The following XKR4 variants were observed in gnomAD, a reference collection of about 807,000 sequenced individuals.
XKR4 encodes XK related 4, also known as XK-related protein 4.
A neutral mutation model predicts 53.9 loss-of-function variants in XKR4; 12 were observed. The ratio of observed to expected loss-of-function variants is 0.22; its 90% CI spans 0.14 to 0.36. The LOEUF (loss-of-function observed/expected upper bound fraction) is 0.36. Among genes scored for constraint, XKR4 ranks in the 10% least tolerant of loss-of-function variants. The pLI, the probability that XKR4 is intolerant of heterozygous loss-of-function variation, is 1.00. For missense variants in XKR4, 799 were observed against 859.5 expected (o/e 0.93, Z 0.88); for synonymous variants, 354 against 362.4 (o/e 0.98, Z 0.26).
At chr8:55,129,218 A>G (rs2129352866) in intron 1 of XKR4, among the ~76,000 whole-genome samples, 1 of 152,340 alleles carries the variant, frequency 6.6e-6, no homozygotes, top group Middle Eastern at 3.4e-3. Context: ...TTCTGGTTAC[A>G]AGGCTGGTTA....
At chr8:55,278,349 A>C (rs2129373465) in intron 1 of XKR4, among the ~76,000 whole-genome samples, 1 of 152,132 alleles carries the variant, frequency 6.6e-6, no homozygotes, top group East Asian at 1.9e-4. Flanking sequence ...AAAAAAAAAA[A>C]AAAAGCATAC....
chr8:55,137,285 G>C (rs1816644566), intron 1 of XKR4, among the ~76,000 whole-genome samples: 1 of 151,880 alleles, frequency 6.6e-6, no homozygotes. Context: ...GAAATTCCTT[G>C]GAGGCCTTTC....
chr8:55,196,965 C>G (rs906767686), intron 1 of XKR4, among the ~76,000 whole-genome samples: 1 of 152,044 alleles, frequency 6.6e-6, no homozygotes, highest in African/African-American at 2.4e-5. Context: ...TCACCTATAG[C>G]CATTTCTGGT....
chr8:55,256,364 T>A (rs760381107), intron 1 of XKR4, among the ~76,000 whole-genome samples: 4 of 152,216 alleles, frequency 2.6e-5, no homozygotes, highest in Non-Finnish European at 4.4e-5. Flanking sequence ...TTGGTGGCTG[T>A]ATGGAGAATG....
chr8:55,326,709 G>A (rs144233943), intron 1 of XKR4, among the ~76,000 whole-genome samples: 69 of 151,878 alleles, frequency 4.5e-4, no homozygotes, highest in African/African-American at 1.5e-3. Flanking sequence ...TGGCTCAAGC[G>A]ATCTGCTCAC....
At chr8:55,312,057 T>C (rs1397698412) in intron 1 of XKR4, among the ~76,000 whole-genome samples, 2 of 152,098 alleles carry the variant, frequency 1.3e-5, no homozygotes, top group Non-Finnish European at 2.9e-5. Context: ...TGAGGATAAT[T>C]ATTCTAAAAA....
At chr8:55,259,804 G>A (rs779941253) in intron 1 of XKR4, among the ~76,000 whole-genome samples, 4 of 152,112 alleles carry the variant, frequency 2.6e-5, no homozygotes, top group Non-Finnish European at 5.9e-5. Context: ...TTAGAAATGG[G>A]AAATTCTAAT....
intron 1 of XKR4, among the ~76,000 whole-genome samples, chr8:55,140,587 G>T (rs1269489213): frequency 6.6e-6 from 1 of 152,180 alleles, no homozygotes; most frequent in South Asian, 2.1e-4. Context: ...ATTGCTCTGG[G>T]GTTTTCAACT....
intron 1 of XKR4, among the ~76,000 whole-genome samples, chr8:55,117,364 T>C (rs1175532428): frequency 6.6e-6 from 1 of 152,178 alleles, no homozygotes; most frequent in East Asian, 1.9e-4. Context: ...TAGCTGCTGG[T>C]AAAAATGGAC....
intron 1 of XKR4, among the ~76,000 whole-genome samples, chr8:55,113,307 T>A (rs1816259590): frequency 1.3e-5 from 2 of 152,186 alleles, no homozygotes; most frequent in South Asian, 4.1e-4. Context: ...AAGGCATGCA[T>A]CTGTTAGCTA....
intron 1 of XKR4, among the ~76,000 whole-genome samples, chr8:55,175,950 A>G (rs573121049): frequency 6.6e-6 from 1 of 152,220 alleles, no homozygotes; most frequent in Non-Finnish European, 1.5e-5. Flanking sequence ...AAGTCATATA[A>G]TGGTCAGTTT....
chr8:55,259,649 T>C (rs1429966258), intron 1 of XKR4, among the ~76,000 whole-genome samples: 1 of 152,134 alleles, frequency 6.6e-6, no homozygotes, highest in Non-Finnish European at 1.5e-5. Flanking sequence ...AAGTGATTCA[T>C]CTCTCCCGAG....
At chr8:55,392,262 G>C (rs563810570) in intron 2 of XKR4, among the ~76,000 whole-genome samples, 37 of 152,268 alleles carry the variant, frequency 2.4e-4, no homozygotes. Context: ...GCTCCTTGGA[G>C]GAATGGTGGG....
intron 1 of XKR4, among the ~76,000 whole-genome samples, chr8:55,289,598 A>G (rs867826466): frequency 1.9e-4 from 16 of 84,262 alleles, no homozygotes; most frequent in African/African-American, 7.1e-4. Flanking sequence ...AAAGAGAAAG[A>G]AAGAAAGAAA....
At chr8:55,320,973 A>G (rs1320914916) in intron 1 of XKR4, among the ~76,000 whole-genome samples, 1 of 151,914 alleles carries the variant, frequency 6.6e-6, no homozygotes, top group Non-Finnish European at 1.5e-5. Context: ...TCCCCCAAAC[A>G]TCCTTCTTTG....
intron 2 of XKR4, among the ~76,000 whole-genome samples, chr8:55,518,030 A>G (rs905762104): frequency 1.3e-5 from 2 of 152,208 alleles, no homozygotes; most frequent in African/African-American, 4.8e-5. Context: ...GGGGAAGGTT[A>G]TGGCCTCCTT....
At chr8:55,363,330 T>G (rs1208007890) in intron 2 of XKR4, among the ~76,000 whole-genome samples, 1 of 152,134 alleles carries the variant, frequency 6.6e-6, no homozygotes, top group Non-Finnish European at 1.5e-5. Flanking sequence ...AAAAACTCCT[T>G]TTGCCAACAG....
At chr8:55,273,014 G>C (rs1474641347) in intron 1 of XKR4, 1 of 394,250 alleles carries the variant, frequency 2.5e-6, no homozygotes, top group African/African-American at 2.1e-5. Flanking sequence ...CTGTCTCTAA[G>C]GGTGTGATGT....
chr8:55,521,641 T>C lies in XKR4; in HGVS notation c.1007-1640T>C, dbSNP rs912651770. Reference sequence around the variant, plus strand: ...CTGCTGGCTTTATTGGGAGGAAATATGAGAAATGGCTCTTAGAAAATATTT... The same window carrying C: ...CTGCTGGCTTTATTGGGAGGAAATACGAGAAATGGCTCTTAGAAAATATTT... On this transcript the variant is annotated intron_variant, in intron 2 of 2. Transcript: ENST00000327381. 3.3e-5 allele frequency among the ~76,000 whole-genome samples: 5 copies of C among 152,214 alleles called. No individual in the cohort carries two copies. The South Asian group carries it at 1.0e-3, about 32-fold the overall frequency.
Sources: gnomAD v4.1 joint callset for allele counts (sites outside exome capture counted in the v4.1 genomes callset) on GRCh38, gnomAD v4.1.1 for gene constraint, MANE v1.5 for transcripts, NCBI Gene and HGNC (gene_info 2026-07-23, HGNC 2026-07-21) for gene names.